Variants in TMEM184B observed in about 807,000 individuals in gnomAD.
TMEM184B encodes the protein transmembrane protein 184B.
Under a neutral mutation model 41.8 loss-of-function variants are expected in TMEM184B, and 17 were observed. The ratio of observed to expected loss-of-function variants is 0.41; its 90% CI spans 0.28 to 0.61. The LOEUF (loss-of-function observed/expected upper bound fraction) is 0.61, where lower values mean the gene tolerates loss of function less well. Among genes scored for constraint, TMEM184B ranks in the 20% least tolerant of loss-of-function variants. TMEM184B has a pLI of 0.34. For synonymous variants in TMEM184B, 240 were observed against 229.5 expected (o/e 1.05, Z -0.41); for missense variants, 393 against 557.8 (o/e 0.70, Z 2.98).
chr22:38,241,289 T>A (rs917417730), intron 3 of TMEM184B, among the ~76,000 whole-genome samples: 4 of 152,152 alleles, frequency 2.6e-5, no homozygotes, highest in African/African-American at 9.7e-5. Context: ...TTTTTTAAAT[T>A]CAACTGAAGT....
chr22:38,228,016 A>T (rs1239100961), intron 5 of TMEM184B, among the ~76,000 whole-genome samples: 2 of 152,202 alleles, frequency 1.3e-5, no homozygotes, highest in African/African-American at 4.8e-5. Flanking sequence ...TGCAAAGAGG[A>T]CGAGGAGCCT....
chr22:38,228,514 C>A (rs2091516335), intron 5 of TMEM184B, among the ~76,000 whole-genome samples: 2 of 152,180 alleles, frequency 1.3e-5, no homozygotes, highest in Admixed American at 1.3e-4. Flanking sequence ...GACATCAGAA[C>A]CCCCAGGGAG....
chr22:38,240,722 G>T (rs866606630), intron 3 of TMEM184B, among the ~76,000 whole-genome samples: 14 of 58,430 alleles, frequency 2.4e-4, no homozygotes, highest in East Asian at 1.1e-3. Context: ...GAGAGGGGGG[G>T]AAAAAAAGGC....
intron 3 of TMEM184B, among the ~76,000 whole-genome samples, chr22:38,234,681 C>T (rs767349388): frequency 2.6e-5 from 4 of 152,200 alleles, no homozygotes; most frequent in Non-Finnish European, 5.9e-5. Context: ...GAGGCAGACC[C>T]CACTGAGATG....
intron 1 of TMEM184B, among the ~76,000 whole-genome samples, chr22:38,254,156 G>A (rs567735440): frequency 4.2e-5 from 6 of 143,578 alleles, no homozygotes; most frequent in South Asian, 2.3e-4. Flanking sequence ...AGCCAAGATC[G>A]TGCCATTGCA....
chr22:38,231,152 T>C (rs2091607056), intron 4 of TMEM184B, 92 bp downstream of exon 4: 1 of 1,093,942 alleles, frequency 9.1e-7, no homozygotes, highest in Non-Finnish European at 1.4e-6. Flanking sequence ...CGGGCAGACA[T>C]GGTCTGTGTC....
At chr22:38,234,565 C>T (rs1191183115) in intron 3 of TMEM184B, among the ~76,000 whole-genome samples, 1 of 152,188 alleles carries the variant, frequency 6.6e-6, no homozygotes, top group East Asian at 1.9e-4. Flanking sequence ...TTTGCACAGC[C>T]ATGGTAAGTG....
At chr22:38,256,046 T>C (rs1438966861) in intron 1 of TMEM184B, among the ~76,000 whole-genome samples, 1 of 152,174 alleles carries the variant, frequency 6.6e-6, no homozygotes, top group Non-Finnish European at 1.5e-5. Context: ...ATAAGGTCTG[T>C]ACTTCAGTTA....
chr22:38,259,358 T>C (rs1379104505), intron 1 of TMEM184B, among the ~76,000 whole-genome samples: 1 of 152,172 alleles, frequency 6.6e-6, no homozygotes, highest in Non-Finnish European at 1.5e-5. Flanking sequence ...CTACCTTACA[T>C]GGCAAAAGGG....
rs1209563831 is a variant in TMEM184B, at chr22:38,246,188, A to C, written c.193-88T>G. 2.0e-6 allele frequency: 3 copies of C among 1,496,416 alleles called. No individual in the cohort carries two copies. In the African/African-American group the frequency reaches 4.1e-5, roughly 21 times the overall value. The allele number at this position is 1,496,416 out of a possible 1,614,324, so 92.7% of individuals were successfully genotyped here. On this transcript the variant is annotated intron_variant, in intron 2 of 8. Coordinates refer to ENST00000361906, the MANE Select transcript of TMEM184B (RefSeq NM_012264.5). Reference sequence around the variant, plus strand: ...GGGCTTCCAGCTCTGCCACCGACTCATCTGTGACCCGATGCACGTGACCTA... The same window carrying C: ...GGGCTTCCAGCTCTGCCACCGACTCCTCTGTGACCCGATGCACGTGACCTA...
intron 3 of TMEM184B, among the ~76,000 whole-genome samples, chr22:38,236,589 T>A (rs1393773446): frequency 6.6e-6 from 1 of 151,958 alleles, no homozygotes; most frequent in Non-Finnish European, 1.5e-5. Context: ...GCTCAATCAA[T>A]CTTCCCACCT....
At chr22:38,259,497 C>T (rs76285716) in intron 1 of TMEM184B, among the ~76,000 whole-genome samples, 3 of 152,150 alleles carry the variant, frequency 2.0e-5, no homozygotes, top group Non-Finnish European at 4.4e-5. Context: ...AAGAGGGCAG[C>T]GTGACAAAGG....
intron 3 of TMEM184B, among the ~76,000 whole-genome samples, chr22:38,244,427 C>G (rs572856792): frequency 6.6e-6 from 1 of 152,008 alleles, no homozygotes; most frequent in South Asian, 2.1e-4. Context: ...AAACCTCACA[C>G]TCTGAGAATA....
intron 3 of TMEM184B, among the ~76,000 whole-genome samples, chr22:38,241,507 G>A (rs1367089623): frequency 7.0e-6 from 1 of 143,386 alleles, no homozygotes; most frequent in African/African-American, 2.6e-5. Flanking sequence ...GGGCAACACA[G>A]TGAGACCTCA....
At position 38,226,875 on chromosome 22, in the gene TMEM184B, TGGG is replaced by T; in HGVS notation, c.526-8_526-6del. On this transcript the variant is annotated splice_region_variant and splice_polypyrimidine_tract_variant and intron_variant, in intron 5 of 8. Transcript: ENST00000361906. The surrounding 1 kb of genome is among the most constrained non-coding windows in gnomAD (Gnocchi z 4.6). The stretch of plus-strand genomic sequence containing the variant: ...CACACAGAACTGCAGGGTGGCCTGT[TGGG>T]GGGAAAAGGAGGTTGAGTGTGGAGG... 2 of 1,582,202 alleles carry T rather than the reference TGGG, an allele frequency of 1.3e-6. No individual in the cohort carries two copies. Among genetic ancestry groups the T allele is most frequent in the South Asian group, 1.2e-5 (1 of 86,804 alleles).
At chr22:38,229,365 C>A (rs960085977) in intron 5 of TMEM184B, among the ~76,000 whole-genome samples, 3 of 152,262 alleles carry the variant, frequency 2.0e-5, no homozygotes, top group African/African-American at 7.2e-5. Context: ...AGCTCTACAT[C>A]CATGACCTCA....
intron 1 of TMEM184B, among the ~76,000 whole-genome samples, chr22:38,248,602 T>C (rs1412559225): frequency 1.3e-5 from 2 of 152,168 alleles, no homozygotes; most frequent in African/African-American, 4.8e-5. Context: ...TTTCTTTTCC[T>C]CCAGAGCACT....
downstream of TMEM184B, among the ~76,000 whole-genome samples, chr22:38,218,088 A>G (rs6001054): frequency 0.42 from 63,265 of 151,784 alleles, 14,839 homozygotes; most frequent in African/African-American, 0.64. Context: ...TCACATTGAG[A>G]TCTGATTTTC....
chr22:38,264,406 G>A (rs1173884438), intron 1 of TMEM184B, among the ~76,000 whole-genome samples: 11 of 152,160 alleles, frequency 7.2e-5, no homozygotes, highest in Non-Finnish European at 1.3e-4. Context: ...CAGGCCAGGT[G>A]GGAGGGGGTG....
Sources: gnomAD v4.1 joint callset for allele counts (sites outside exome capture counted in the v4.1 genomes callset) on GRCh38, gnomAD v4.1.1 for gene constraint, Gnocchi (gnomAD v3.1) non-coding constraint, MANE v1.5 for transcripts, NCBI Gene and HGNC (gene_info 2026-07-23, HGNC 2026-07-21) for gene names.